Variants in EPX observed in about 807,000 individuals in gnomAD.
EPX encodes the protein eosinophil peroxidase.
A neutral mutation model predicts 73.0 loss-of-function variants in EPX; 60 were observed. That is an observed-to-expected ratio of 0.82 (90% CI 0.67 to 1.02). The LOEUF (loss-of-function observed/expected upper bound fraction) is 1.02. Ranked by LOEUF, EPX falls within the 50% of genes least tolerant of loss-of-function variation. The pLI is 0.00. For synonymous variants in EPX, 347 were observed against 389.2 expected (o/e 0.89, Z 1.28); for missense variants, 950 against 973.9 (o/e 0.98, Z 0.33).
intron 6 of EPX, among the ~76,000 whole-genome samples, chr17:58,195,906 T>C (rs748292632): frequency 2.8e-4 from 42 of 152,164 alleles, no homozygotes; most frequent in Non-Finnish European, 4.7e-4. Flanking sequence ...ATTACACTTT[T>C]AACATATGTC....
chr17:58,202,896 C>G (rs1321252406), intron 10 of EPX, 185 bp from the exon 11 acceptor site: 2 of 646,654 alleles, frequency 3.1e-6, no homozygotes, highest in Non-Finnish European at 5.6e-6. Flanking sequence ...GTTGTCCACT[C>G]ACATTTTCAA....
chr17:58,199,269 C>T, intron 8 of EPX, 69 bp downstream of exon 8: 2 of 1,532,760 alleles, frequency 1.3e-6, no homozygotes, highest in South Asian at 1.1e-5. Flanking sequence ...CTTAACACAT[C>T]CTTGCGGATG....
Position 58,200,351 on chromosome 17 carries a change from T to G in EPX, c.1664T>G (p.Leu555Arg), listed in dbSNP as rs1234706138. Residue 555 changes from leucine to arginine, a missense_variant, in exon 10 of 13, where the codon CTG (leucine) becomes CGG (arginine). Leu to Arg is a moderately radical substitution (Grantham distance 102, BLOSUM62 -2). Transcript: ENST00000225371. ...FRQVRRIGLD[L>R]AALNMQRSRD... ...CAAGTGAGGAGGATTGGGCTGGACCTGGCAGCTCTCAACATGCAACGAAGC... is the reference window on the plus strand; with the variant it reads ...CAAGTGAGGAGGATTGGGCTGGACCGGGCAGCTCTCAACATGCAACGAAGC... The G allele has an allele frequency of 6.2e-7, 1 of 1,614,074 alleles. No homozygotes were observed. Among genetic ancestry groups the G allele is most frequent in the African/African-American group, 1.3e-5 (1 of 74,944 alleles).
In EPX at chr17:58,203,248, G is replaced by A; in HGVS notation, c.1876G>A (p.Gly626Arg). The A allele has an allele frequency of 1.2e-6, 2 of 1,614,196 alleles. No individual in the cohort carries two copies. Among genetic ancestry groups the A allele is most frequent in the Non-Finnish European group, 1.7e-6 (2 of 1,180,038 alleles). The change falls in exon 11 of 13, where the codon GGG becomes AGG. Residue 626 changes from glycine (G) to arginine (R), a missense_variant. Gly to Arg is a moderately radical substitution (Grantham distance 125). Transcript: ENST00000225371. ...IGAIAEPLLP[G>R]ARVGPLLACL... is the part of the protein sequence containing the mutation. ...GGCCATCGCTGAGCCTCTTTTGCCG[G>A]GGGCTCGAGTGGGGCCTCTTCTGGC... is the stretch of plus-strand genomic sequence containing the variant.
At position 58,204,995 on chromosome 17, in the gene EPX, G is replaced by A. The variant is rs534858118; in HGVS notation, c.*271G>A. On this transcript the variant is annotated 3_prime_UTR_variant, in exon 13 of 13. Coordinates refer to ENST00000225371, the MANE Select transcript of EPX (RefSeq NM_000502.6). ...CCAAGCCATGTGGTCTTGCACCCCA[G>A]GCAAGAAAAGTCAGCTGGAGGGTTT... 3.7e-5 allele frequency: 6 copies of A among 164,112 alleles called. No individual in the cohort carries two copies. Among genetic ancestry groups the A allele is most frequent in the African/African-American group, 1.4e-4 (6 of 41,666 alleles). The allele number at this position is 164,112 out of a possible 1,614,324, so 10.2% of individuals were successfully genotyped here.
chr17:58,203,331 A>G lies in EPX; in HGVS notation c.1946+13A>G, dbSNP rs369511271. 1.3e-6 allele frequency: 2 copies of G among 1,560,080 alleles called. No individual in the cohort carries two copies. Among genetic ancestry groups the G allele is most frequent in the African/African-American group, 1.4e-5 (1 of 73,880 alleles). On this transcript the variant is annotated intron_variant, in intron 11 of 12. Coordinates refer to ENST00000225371, the MANE Select transcript of EPX (RefSeq NM_000502.6). ...GAGACGGAGACAGGTAAGTGACCCT[A>G]TCATAAAAGACATCAGCACCAGAGG... is the stretch of plus-strand genomic sequence containing the variant.
At position 58,203,415 on chromosome 17, in the gene EPX, G is replaced by T. The variant is rs550055890; in HGVS notation, c.1946+97G>T. 2.5e-5 allele frequency: 22 copies of T among 883,494 alleles called. No individual in the cohort carries two copies. In the African/African-American group the frequency reaches 3.6e-4, roughly 14 times the overall value. The allele number at this position is 883,494 out of a possible 1,614,324, so 54.7% of individuals were successfully genotyped here. A position where few individuals can be genotyped will look rare whatever the true frequency, so the allele number is the denominator to read the frequency against. ...ACATTGAAGAACACTGCTCTTTTTA[G>T]TATCATTTCTTCCAAGTTCACAGGA... On this transcript the variant is annotated intron_variant, in intron 11 of 12. Transcript: ENST00000225371.
Position 58,197,222 on chromosome 17 carries a change from C to T in EPX, c.1085C>T (p.Thr362Ile), listed in dbSNP as rs1567789138. 1.9e-6 allele frequency: 3 copies of T among 1,613,242 alleles called. No homozygotes were observed. The highest frequency in any genetic ancestry group is 4.5e-5 in the East Asian group (2 of 44,878). Reference sequence around the variant, plus strand: ...CTGCACGATGACCCCTGTCTCCTCACCAACCGCTCGGCGCGCATCCCCTGC... The same window carrying T: ...CTGCACGATGACCCCTGTCTCCTCATCAACCGCTCGGCGCGCATCCCCTGC... ...DNLHDDPCLL[T>I]NRSARIPCFL... The change falls in exon 7 of 13, where the codon ACC (threonine) becomes ATC (isoleucine). Residue 362 changes from threonine (T) to isoleucine (I), a missense_variant. Coordinates refer to ENST00000225371, the MANE Select transcript of EPX (RefSeq NM_000502.6).
intron 6 of EPX, 118 bp downstream of exon 6, chr17:58,195,288 G>A (rs559293837): frequency 2.4e-6 from 2 of 828,484 alleles, no homozygotes; most frequent in East Asian, 4.9e-5. Flanking sequence ...TGTGGAGCTA[G>A]GGTATGAGAC....
intron 6 of EPX, 39 bp downstream of exon 6, chr17:58,195,209 C>A: frequency 6.5e-7 from 1 of 1,535,460 alleles, no homozygotes; most frequent in African/African-American, 1.4e-5. Context: ...CCTTGTGTGG[C>A]CTCCCCCAAA....
intron 5 of EPX, 25 bp downstream of exon 5, chr17:58,194,117 A>G: frequency 6.2e-7 from 1 of 1,611,720 alleles, no homozygotes; most frequent in Non-Finnish European, 8.5e-7. Context: ...AGGGTTTGGG[A>G]GGTTGCTTGA....
At position 58,193,096 on chromosome 17, in the gene EPX, G is replaced by C; in HGVS notation, c.135G>C (p.Leu45Phe). ...VLRDCIAEAK[L>F]LVDAAYNWTQ... is the part of the protein sequence containing the mutation. ...GAGACTGCATAGCAGAGGCCAAGTT[G>C]CTGGTGGATGCTGCCTACAATTGGA... Residue 45 changes from leucine to phenylalanine, a missense_variant, in exon 2 of 13, where the codon TTG becomes TTC. Physicochemically the swap from Leu to Phe is conservative, Grantham distance 22. Transcript: ENST00000225371. 6.2e-7 allele frequency: 1 copy of C among 1,613,124 alleles called. No individual in the cohort carries two copies. Among genetic ancestry groups the C allele is most frequent in the Non-Finnish European group, 8.5e-7 (1 of 1,179,022 alleles).
At chr17:58,203,930 TCAAAA>T in intron 11 of EPX, among the ~76,000 whole-genome samples, 1 of 23,724 alleles carries the variant, frequency 4.2e-5, no homozygotes, top group African/African-American at 1.9e-4. Context: ...AGACTCCGTC[TCAAAA>T]AAAAAAAAAA....
chr17:58,204,798 T>C lies in EPX; in HGVS notation c.*74T>C, dbSNP rs1302756133. The C allele has an allele frequency of 7.3e-6, 2 of 272,712 alleles. No individual in the cohort carries two copies. The highest frequency in any genetic ancestry group is 2.2e-5 in the African/African-American group (1 of 45,798). The allele number at this position is 272,712 out of a possible 1,614,324, so 16.9% of individuals were successfully genotyped here. A position where few individuals can be genotyped will look rare whatever the true frequency, so the allele number is the denominator to read the frequency against. On this transcript the variant is annotated 3_prime_UTR_variant, in exon 13 of 13. Coordinates refer to ENST00000225371, the MANE Select transcript of EPX (RefSeq NM_000502.6). ...GAAGGGGAGGACCATGAGGCTGCCT[T>C]GTCTCCCTGGAGCAAGTGCAGGCTG... is the stretch of plus-strand genomic sequence containing the variant.
chr17:58,205,069 A>T lies in EPX; in HGVS notation c.*345A>T, dbSNP rs1211912253. 12 of 158,676 alleles carry T rather than the reference A, an allele frequency of 7.6e-5. No individual in the cohort carries two copies. Among genetic ancestry groups the T allele is most frequent in the Non-Finnish European group, 1.7e-4 (12 of 72,664 alleles). The allele number at this position is 158,676 out of a possible 1,614,324, so 9.8% of individuals were successfully genotyped here. ...GCCCTCCCTCCCCTCCCTCACCATG[A>T]CTAAGAGACCACTCGGTCCTAGCCT... On this transcript the variant is annotated 3_prime_UTR_variant, in exon 13 of 13. Coordinates refer to ENST00000225371, the MANE Select transcript of EPX (RefSeq NM_000502.6).
chr17:58,193,593 T>G, intron 3 of EPX, 47 bp downstream of exon 3: 1 of 1,601,004 alleles, frequency 6.2e-7, no homozygotes, highest in Non-Finnish European at 8.6e-7. Context: ...TGGCCTGGAG[T>G]AGAAGGAATC....
chr17:58,199,524 T>C lies in EPX; in HGVS notation c.1282-15T>C, dbSNP rs1968308816. 1 of 1,614,080 alleles carries C rather than the reference T, an allele frequency of 6.2e-7. No individual in the cohort carries two copies. ...AGTAGCCTCTGGGGAATGTTCCTCC[T>C]GTCTTCCCTTCCAGATCATCACCTA... On this transcript the variant is annotated splice_polypyrimidine_tract_variant and intron_variant, in intron 8 of 12. Coordinates refer to ENST00000225371, the MANE Select transcript of EPX (RefSeq NM_000502.6).
Position 58,203,064 on chromosome 17 carries a change from T to C in EPX, c.1709-17T>C. The C allele has an allele frequency of 1.3e-6, 2 of 1,587,698 alleles. No homozygotes were observed. The highest frequency in any genetic ancestry group is 1.7e-5 in the Admixed American group (1 of 60,000). ...AGATCAGCAAGACTGAAGCTGCTTCTCCCCGTTCCCCTGCAGGGTACAATG... is the reference window on the plus strand; with the variant it reads ...AGATCAGCAAGACTGAAGCTGCTTCCCCCCGTTCCCCTGCAGGGTACAATG... On this transcript the variant is annotated splice_polypyrimidine_tract_variant and intron_variant, in intron 10 of 12. Coordinates refer to ENST00000225371, the MANE Select transcript of EPX (RefSeq NM_000502.6).
At chr17:58,199,411 C>T (rs528615276) in intron 8 of EPX, 128 bp from the exon 9 acceptor site, 4 of 1,216,224 alleles carry the variant, frequency 3.3e-6, no homozygotes, top group Admixed American at 3.6e-5. Context: ...TCTCCACCCA[C>T]CAATAGTAAA....
Sources: gnomAD v4.1 joint callset for allele counts (sites outside exome capture counted in the v4.1 genomes callset) on GRCh38, gnomAD v4.1.1 for gene constraint, MANE v1.5 for transcripts, NCBI Gene and HGNC (gene_info 2026-07-23, HGNC 2026-07-21) for gene names.